Variants in CCDC74B observed in about 807,000 individuals in gnomAD.
CCDC74B encodes coiled-coil domain-containing protein 74B.
Under a neutral mutation model 38.0 loss-of-function variants are expected in CCDC74B, and 34 were observed. That is an observed-to-expected ratio of 0.89 (90% CI 0.68 to 1.19). The LOEUF (loss-of-function observed/expected upper bound fraction) is 1.19, where lower values mean the gene tolerates loss of function less well. CCDC74B is among the 50% of genes most tolerant of loss of function. The probability of loss-of-function intolerance (pLI) is 0.00; values close to 1 mark genes in which losing one functional copy is unlikely to be tolerated. For missense variants in CCDC74B, 358 were observed against 406.0 expected (o/e 0.88, Z 1.02); for synonymous variants, 132 against 170.4 (o/e 0.77, Z 1.76).
Position 130,139,706 on chromosome 2 carries a change from G to T in CCDC74B, c.810-16C>A, listed in dbSNP as rs370710410. On this transcript the variant is annotated splice_polypyrimidine_tract_variant and intron_variant, in intron 7 of 7. Transcript: ENST00000409943. ...CAGAAGCAGGCTGGGGGCGGGTAGA[G>T]GGACTGTCACCGTGAGCATCCTCGC... 34 of 1,612,470 alleles carry T rather than the reference G, an allele frequency of 2.1e-5. No homozygotes were observed. In the African/African-American group the frequency reaches 3.5e-4, roughly 16 times the overall value.
At position 130,144,409 on chromosome 2, in the gene CCDC74B, A is replaced by G. The variant is rs781542378; in HGVS notation, c.250+338T>C. 1.4e-5 allele frequency: 15 copies of G among 1,103,520 alleles called. No individual in the cohort carries two copies. In the South Asian group the frequency reaches 1.9e-4, roughly 14 times the overall value. The allele number at this position is 1,103,520 out of a possible 1,614,324, so 68.4% of individuals were successfully genotyped here. A position where few individuals can be genotyped will look rare whatever the true frequency, so the allele number is the denominator to read the frequency against. ...CCGTCTCGGTCTCCCAAAGTGCTGG[A>G]ATTACAGGCGTGAGCCGCCGCGCCC... On this transcript the variant is annotated intron_variant, in intron 1 of 7. Transcript: ENST00000409943.
chr2:130,142,098 C>G (rs1558722179), intron 3 of CCDC74B, 35 bp downstream of exon 3: 2 of 1,603,208 alleles, frequency 1.2e-6, no homozygotes, highest in East Asian at 4.5e-5. Flanking sequence ...GTGGGGCACT[C>G]ACCCCTGTGA....
chr2:130,142,391 A>T (rs1388783337), intron 2 of CCDC74B: 1 of 1,613,472 alleles, frequency 6.2e-7, no homozygotes, highest in Non-Finnish European at 8.5e-7. Context: ...TCTGGAAAGC[A>T]GGAGGGCTTG....
At chr2:130,143,365 G>C in intron 1 of CCDC74B, 52 bp from the exon 2 acceptor site, 1 of 1,611,692 alleles carries the variant, frequency 6.2e-7, no homozygotes, top group Non-Finnish European at 8.5e-7. Context: ...CAGCCATTCT[G>C]AGAGAAGAAG....
At chr2:130,140,448 C>T (rs1281645792) in intron 4 of CCDC74B, 77 bp from the exon 5 acceptor site, 2 of 1,474,764 alleles carry the variant, frequency 1.4e-6, no homozygotes, top group African/African-American at 1.4e-5. Flanking sequence ...CCTCCCCAGG[C>T]AGCGCCCAGG....
At chr2:130,141,925 C>T (rs1573635105) in intron 3 of CCDC74B, 11 of 959,302 alleles carry the variant, frequency 1.1e-5, no homozygotes, top group Middle Eastern at 3.4e-4. Context: ...CCTTACTGCC[C>T]TGTGACTGGT....
At chr2:130,143,405 C>T (rs1281411035) in intron 1 of CCDC74B, 92 bp from the exon 2 acceptor site, 1 of 1,541,108 alleles carries the variant, frequency 6.5e-7, no homozygotes, top group Non-Finnish European at 9.0e-7. Context: ...GCTGCTGAGC[C>T]CGAAAGTCCT....
At chr2:130,143,995 G>A (rs1454841859) in intron 1 of CCDC74B, among the ~76,000 whole-genome samples, 1 of 134,628 alleles carries the variant, frequency 7.4e-6, no homozygotes, top group East Asian at 2.7e-4. Flanking sequence ...GGCCCCGCCG[G>A]AGGACAGCAT....
At chr2:130,142,475 A>G (rs1287645861) in intron 2 of CCDC74B, 8 of 1,605,160 alleles carry the variant, frequency 5.0e-6, no homozygotes, top group Admixed American at 1.7e-5. Flanking sequence ...CCAGCACTGC[A>G]GGGCTGGGGC....
intron 1 of CCDC74B, 117 bp downstream of exon 1, chr2:130,144,630 T>C: frequency 6.5e-7 from 1 of 1,545,526 alleles, no homozygotes; most frequent in South Asian, 1.2e-5. Context: ...CCGTCCTGTG[T>C]TCCCCCTGAG....
In CCDC74B at chr2:130,139,405, G is replaced by C. The variant is rs986949965; in HGVS notation, c.*150C>G. On this transcript the variant is annotated 3_prime_UTR_variant, in exon 8 of 8. Transcript: ENST00000409943. ...CAGCTAGAAAATAAACAGTTTGTCA[G>C]TTTGGAGATCAAGTACTTTATCTAT... The C allele has an allele frequency of 9.9e-7, 1 of 1,011,850 alleles. No homozygotes were observed. The highest frequency in any genetic ancestry group is 1.4e-6 in the Non-Finnish European group (1 of 703,298). The allele number at this position is 1,011,850 out of a possible 1,614,324, so 62.7% of individuals were successfully genotyped here.
chr2:130,143,271 T>G lies in CCDC74B; in HGVS notation c.293A>C (p.Lys98Thr), dbSNP rs1439532232. 6 of 1,613,760 alleles carry G rather than the reference T, an allele frequency of 3.7e-6. No homozygotes were observed. Among genetic ancestry groups the G allele is most frequent in the Non-Finnish European group, 5.1e-6 (6 of 1,179,782 alleles). ...GAACTGAAGGGCCCAGTTCTCACCT[T>G]TCTTCTGTGATGTCTGATTCATTAT... ...KLIMNQTSQK[K>T]DSLSTSSFQS... Residue 98 changes from lysine to threonine, a missense_variant and splice_region_variant, in exon 2 of 8, where the codon AAA becomes ACA. Lys to Thr is a moderately conservative substitution (Grantham distance 78). This residue lies in a region of CCDC74B where 128 missense variants were observed against 146.7 expected (regional missense o/e 0.87). Coordinates refer to ENST00000409943, the MANE Select transcript of CCDC74B (RefSeq NM_001258307.2).
At position 130,145,057 on chromosome 2, in the gene CCDC74B, C is replaced by G. The variant is rs1276646863; in HGVS notation, c.-61G>C. On this transcript the variant is annotated 5_prime_UTR_variant, in exon 1 of 8. Coordinates refer to ENST00000409943, the MANE Select transcript of CCDC74B (RefSeq NM_001258307.2). ...ACCCCGGCTCAGTGGCCAGGCCGCC[C>G]TAGCCTGGCGCCCCGTCACCATGGA... The G allele has an allele frequency of 7.9e-6, 11 of 1,400,888 alleles. No individual in the cohort carries two copies. The highest frequency in any genetic ancestry group is 1.5e-5 in the African/African-American group (1 of 65,368). The allele number at this position is 1,400,888 out of a possible 1,614,324, so 86.8% of individuals were successfully genotyped here. A position where few individuals can be genotyped will look rare whatever the true frequency, so the allele number is the denominator to read the frequency against.
intron 2 of CCDC74B, chr2:130,142,525 G>A (rs1349133007): frequency 1.3e-6 from 2 of 1,555,414 alleles, no homozygotes; most frequent in Admixed American, 1.9e-5. Flanking sequence ...CAGCTCACTG[G>A]AGTTGCCACA....
chr2:130,139,687 C>T lies in CCDC74B; in HGVS notation c.813G>A (p.Leu271=). ...GCTCCGCCACAGGTGGGCTCAGAAGCAGGCTGGGGGCGGGTAGAGGGACTG... is the reference window on the plus strand; with the variant it reads ...GCTCCGCCACAGGTGGGCTCAGAAGTAGGCTGGGGGCGGGTAGAGGGACTG... ...VSTKSLSKKC[L]LLSPPVAERA... Residue 271 remains leucine, a synonymous_variant, in exon 8 of 8, where the codon CTG becomes CTA. Coordinates refer to ENST00000409943, the MANE Select transcript of CCDC74B (RefSeq NM_001258307.2). 6.2e-7 allele frequency: 1 copy of T among 1,612,994 alleles called. No individual in the cohort carries two copies. The highest frequency in any genetic ancestry group is 8.5e-7 in the Non-Finnish European group (1 of 1,179,946).
chr2:130,145,101 G>A lies in CCDC74B; in HGVS notation c.-105C>T, dbSNP rs1685958168. 1.4e-6 allele frequency: 2 copies of A among 1,398,870 alleles called. No individual in the cohort carries two copies. The highest frequency in any genetic ancestry group is 5.6e-5 in the East Asian group (2 of 35,564). The allele number at this position is 1,398,870 out of a possible 1,614,324, so 86.7% of individuals were successfully genotyped here. On this transcript the variant is annotated 5_prime_UTR_variant, in exon 1 of 8. Transcript: ENST00000409943. ...CCATGGAAACCGGGCGACGGAGGGC[G>A]CCAGGCGTTTGGCGGGGGCGGGGCC...
At chr2:130,142,686 C>A in intron 2 of CCDC74B, 3 of 1,544,596 alleles carry the variant, frequency 1.9e-6, no homozygotes, top group Non-Finnish European at 2.6e-6. Flanking sequence ...CCAAAGATAA[C>A]GGGAAGTGAG....
chr2:130,143,228 G>C, intron 2 of CCDC74B, 41 bp downstream of exon 2: 1 of 1,601,210 alleles, frequency 6.2e-7, no homozygotes, highest in Non-Finnish European at 8.5e-7. Context: ...CCCCTGGGTG[G>C]CAAGAGCATC....
In CCDC74B at chr2:130,145,107, C is replaced by T; in HGVS notation, c.-111G>A. The T allele has an allele frequency of 1.4e-6, 2 of 1,394,552 alleles. No individual in the cohort carries two copies. The highest frequency in any genetic ancestry group is 1.9e-6 in the Non-Finnish European group (2 of 1,075,226). 86.4% of individuals were successfully genotyped at this position (1,394,552 alleles called of 1,614,324 possible). A position where few individuals can be genotyped will look rare whatever the true frequency, so the allele number is the denominator to read the frequency against. ...AAACCGGGCGACGGAGGGCGCCAGG[C>T]GTTTGGCGGGGGCGGGGCCTGTCGC... On this transcript the variant is annotated 5_prime_UTR_variant, in exon 1 of 8. Coordinates refer to ENST00000409943, the MANE Select transcript of CCDC74B (RefSeq NM_001258307.2).
Sources: allele counts gnomAD v4.1 joint callset (sites outside exome capture counted in the v4.1 genomes callset), GRCh38; gene constraint gnomAD v4.1.1; regional missense constraint gnomAD v4.1.1; transcripts MANE v1.5; gene names NCBI Gene and HGNC (gene_info 2026-07-23, HGNC 2026-07-21).